Variants in PTPN14 observed in about 807,000 individuals in gnomAD.
PTPN14 encodes protein tyrosine phosphatase non-receptor type 14, also known as tyrosine-protein phosphatase non-receptor type 14.
A neutral mutation model predicts 126.8 loss-of-function variants in PTPN14; 53 were observed. The observed-to-expected ratio is 0.42, with a 90% CI of 0.34 to 0.53. PTPN14 has a LOEUF of 0.53. Ranked by LOEUF, PTPN14 falls within the 20% of genes least tolerant of loss-of-function variation. The pLI is 0.08. For synonymous variants in PTPN14, 630 were observed against 599.3 expected (o/e 1.05, Z -0.75); for missense variants, 1,257 against 1,552.9 (o/e 0.81, Z 3.20).
intron 1 of PTPN14, among the ~76,000 whole-genome samples, chr1:214,513,945 G>A (rs1252967245): frequency 6.6e-6 from 1 of 152,144 alleles, no homozygotes; most frequent in African/African-American, 2.4e-5. Flanking sequence ...AGAACCAGCA[G>A]CAGCAGCAGC....
chr1:214,488,431 T>C (rs1287960653), intron 1 of PTPN14, among the ~76,000 whole-genome samples: 1 of 152,156 alleles, frequency 6.6e-6, no homozygotes. Flanking sequence ...AACAACTCTC[T>C]GTACAGGCAC....
intron 8 of PTPN14, among the ~76,000 whole-genome samples, chr1:214,396,630 T>G (rs1658885824): frequency 6.6e-6 from 1 of 152,218 alleles, no homozygotes; most frequent in Non-Finnish European, 1.5e-5. Context: ...TTGTAGTGGT[T>G]TCAAGATAAA....
At chr1:214,437,598 G>A (rs1659948477) in intron 3 of PTPN14, among the ~76,000 whole-genome samples, 1 of 152,154 alleles carries the variant, frequency 6.6e-6, no homozygotes, top group African/African-American at 2.4e-5. Flanking sequence ...TGAAAGAGAG[G>A]AAATACAATC....
chr1:214,465,332 G>C (rs1211277270), intron 1 of PTPN14, among the ~76,000 whole-genome samples: 1 of 152,182 alleles, frequency 6.6e-6, no homozygotes, highest in East Asian at 1.9e-4. Context: ...TTAGGAGGCT[G>C]GGCGTGGTGG....
chr1:214,373,624 A>G (rs1176016661), intron 15 of PTPN14, among the ~76,000 whole-genome samples: 1 of 148,798 alleles, frequency 6.7e-6, no homozygotes, highest in Non-Finnish European at 1.5e-5. Flanking sequence ...CATGACCACT[A>G]AACTGATTTC....
At chr1:214,464,119 C>T (rs899418597) in intron 2 of PTPN14, among the ~76,000 whole-genome samples, 4 of 150,386 alleles carry the variant, frequency 2.7e-5, no homozygotes, top group African/African-American at 9.8e-5. Flanking sequence ...GTTTTACAGG[C>T]TCCCACAAAA....
intron 1 of PTPN14, among the ~76,000 whole-genome samples, chr1:214,520,065 A>AAAAAAAAAAAAAAAAATATATATATAT: frequency 5.6e-5 from 4 of 71,110 alleles, no homozygotes; most frequent in Admixed American, 1.6e-4. Context: ...AAAAAAAAAA[A>AAAAAAAAAAAAAAAAATATATATATAT]ATATATATAT....
chr1:214,514,034 A>G (rs977611535), intron 1 of PTPN14, among the ~76,000 whole-genome samples: 9 of 152,060 alleles, frequency 5.9e-5, no homozygotes, highest in African/African-American at 2.2e-4. Context: ...TTCTTGTACC[A>G]TTCCTCCCCC....
In PTPN14 at chr1:214,404,590, A is replaced by G. The variant is rs539774866; in HGVS notation, c.511-1637T>C. Among the ~76,000 whole-genome samples the G allele has an allele frequency of 5.4e-3, 829 of 152,302 alleles. 6 individuals are homozygous for G. The highest frequency in any genetic ancestry group is 0.019 in the African/African-American group (792 of 41,558). ...TTAAATCTCCGTTTCCTACTTTTAA[A>G]AAGAAGCCCAAAGGTACCCCCTCTG... is the stretch of plus-strand genomic sequence containing the variant. On this transcript the variant is annotated intron_variant, in intron 5 of 18. Coordinates refer to ENST00000366956, the MANE Select transcript of PTPN14 (RefSeq NM_005401.5).
At chr1:214,427,685 G>GAGAACAAAT (rs1558097689) in intron 3 of PTPN14, among the ~76,000 whole-genome samples, 1 of 152,002 alleles carries the variant, frequency 6.6e-6, no homozygotes, top group Non-Finnish European at 1.5e-5. Context: ...ATAAACAATA[G>GAGAACAAAT]GTCCAATGAG....
At chr1:214,424,689 G>T (rs1439320463) in intron 3 of PTPN14, among the ~76,000 whole-genome samples, 1 of 152,030 alleles carries the variant, frequency 6.6e-6, no homozygotes, top group African/African-American at 2.4e-5. Context: ...CACCACACCT[G>T]GCTAACTTTG....
At chr1:214,533,082 G>A (rs763746704) in intron 1 of PTPN14, 38 of 737,792 alleles carry the variant, frequency 5.2e-5, no homozygotes, top group Non-Finnish European at 8.9e-5. Context: ...TGGGACGTAC[G>A]GTCCAGTCCT....
chr1:214,446,195 C>T (rs982437355), intron 3 of PTPN14, among the ~76,000 whole-genome samples: 1 of 152,358 alleles, frequency 6.6e-6, no homozygotes, highest in Admixed American at 6.5e-5. Context: ...CATCCCCCAT[C>T]TGTCTACCAG....
At chr1:214,372,614 A>C (rs1182466425) in intron 16 of PTPN14, 97 bp downstream of exon 16, 3 of 1,557,650 alleles carry the variant, frequency 1.9e-6, no homozygotes, top group Non-Finnish European at 2.6e-6. Flanking sequence ...GCACTGCAGG[A>C]AGAAGGATAG....
rs1047846964 is a variant in PTPN14 at position 214,527,114 on chromosome 1, A to C, written c.-155+24069T>G. On this transcript the variant is annotated intron_variant, in intron 1 of 18. Coordinates refer to ENST00000366956, the MANE Select transcript of PTPN14 (RefSeq NM_005401.5). ...CTCCAAAAAAGAAAAAAAAAAAAAC[A>C]GAAGGTGATAAGGCAAGAAGGTGCG... 2.6e-5 allele frequency among the ~76,000 whole-genome samples: 4 copies of C among 151,618 alleles called. No homozygotes were observed. In the South Asian group the frequency reaches 8.3e-4, roughly 31 times the overall value.
Position 214,397,278 on chromosome 1 carries a change from A to G in PTPN14, c.758+635T>C, listed in dbSNP as rs181761530. On this transcript the variant is annotated intron_variant, in intron 8 of 18. Coordinates refer to ENST00000366956, the MANE Select transcript of PTPN14 (RefSeq NM_005401.5). Reference sequence around the variant, plus strand: ...ACACATACAAGAAAGCTGTTCTTCCAATCATGGGCCATGTTGCCCTTGTAA... The same window carrying G: ...ACACATACAAGAAAGCTGTTCTTCCGATCATGGGCCATGTTGCCCTTGTAA... 1.7e-4 allele frequency among the ~76,000 whole-genome samples: 26 copies of G among 152,294 alleles called. No homozygotes were observed. In the East Asian group the frequency reaches 4.2e-3, roughly 25 times the overall value.
At chr1:214,462,810 A>C (rs1476049475) in intron 2 of PTPN14, among the ~76,000 whole-genome samples, 9 of 152,250 alleles carry the variant, frequency 5.9e-5, no homozygotes, top group African/African-American at 1.7e-4. Context: ...GTTCTAAAAA[A>C]GTGCCTGGCA....
At chr1:214,382,880 A>G (rs1451891739) in intron 13 of PTPN14, among the ~76,000 whole-genome samples, 2 of 152,242 alleles carry the variant, frequency 1.3e-5, no homozygotes, top group Admixed American at 6.5e-5. Flanking sequence ...CAGTCCAGAC[A>G]ATACTGGTGA....
chr1:214,447,847 T>G (rs1319127351), intron 3 of PTPN14, among the ~76,000 whole-genome samples: 1 of 152,236 alleles, frequency 6.6e-6, no homozygotes, highest in Non-Finnish European at 1.5e-5. Flanking sequence ...AAGTTTAAAA[T>G]TTTTTGTTAG....
Sources: gnomAD v4.1 joint callset for allele counts (sites outside exome capture counted in the v4.1 genomes callset) on GRCh38, gnomAD v4.1.1 for gene constraint, MANE v1.5 for transcripts, NCBI Gene and HGNC (gene_info 2026-07-23, HGNC 2026-07-21) for gene names.